The following DNAH3 variants were observed in gnomAD, a reference collection of about 807,000 sequenced individuals.
DNAH3 encodes the protein dynein axonemal heavy chain 3.
In DNAH3, 332 loss-of-function variants were observed where a neutral mutation model predicts 432.5. The ratio of observed to expected loss-of-function variants is 0.77; its 90% CI spans 0.70 to 0.84. The LOEUF is 0.84. DNAH3 is among the 40% of genes least tolerant of loss of function. The probability of loss-of-function intolerance (pLI) is 0.00; values close to 1 mark genes in which losing one functional copy is unlikely to be tolerated. For synonymous variants in DNAH3, 1,956 were observed against 1,900.2 expected (o/e 1.03, Z -0.76); for missense variants, 4,861 against 5,114.0 (o/e 0.95, Z 1.51).
rs537550300 is a variant in DNAH3 at position 21,003,284 on chromosome 16, C to A, written c.6023-77G>T. 2.5e-5 allele frequency: 23 copies of A among 913,554 alleles called. No individual in the cohort carries two copies. The South Asian group carries it at 3.4e-4, about 13-fold the overall frequency. The allele number at this position is 913,554 out of a possible 1,614,324, so 56.6% of individuals were successfully genotyped here. On this transcript the variant is annotated intron_variant, in intron 41 of 61. Coordinates refer to ENST00000261383, the Ensembl canonical transcript of DNAH3. The stretch of plus-strand genomic sequence containing the variant: ...CTCCCATATTTGAGGATTTTAAGTC[C>A]CTCAGTTATCAGCATATGAAAATGT...
chr16:20,955,126 C>A, intron 54 of DNAH3, 69 bp from the exon 55 acceptor site: 1 of 1,464,942 alleles, frequency 6.8e-7, no homozygotes, highest in South Asian at 1.5e-5. Flanking sequence ...ACAACAAAAA[C>A]AAAACAATAA....
intron 1 of DNAH3, among the ~76,000 whole-genome samples, chr16:21,149,336 A>G (rs925589178): frequency 6.6e-6 from 1 of 152,174 alleles, no homozygotes; most frequent in Non-Finnish European, 1.5e-5. Context: ...CTTAGTTATT[A>G]TCTACAAATC....
At chr16:21,157,041 G>A (rs1012270991) in intron 1 of DNAH3, among the ~76,000 whole-genome samples, 8 of 142,130 alleles carry the variant, frequency 5.6e-5, no homozygotes, top group African/African-American at 2.3e-4. Flanking sequence ...TTCCTGGGTG[G>A]GGAACCCAGC....
intron 40 of DNAH3, among the ~76,000 whole-genome samples, chr16:21,021,543 T>C (rs2088221182): frequency 6.6e-6 from 1 of 152,148 alleles, no homozygotes; most frequent in Non-Finnish European, 1.5e-5. Flanking sequence ...CTCCAAAGGC[T>C]TGCTTGTTCT....
intron 44 of DNAH3, 130 bp from the exon 45 acceptor site, chr16:20,988,195 G>A: frequency 9.7e-7 from 1 of 1,035,110 alleles, no homozygotes; most frequent in East Asian, 2.4e-5. Context: ...GTGCAATATG[G>A]CAACCTCTAG....
rs1010007286 is a variant in DNAH3, at chr16:21,049,850, C to T, written c.4347+60G>A. Reference sequence around the variant, plus strand: ...CATCTTAAAGTTGATGCCTACTTCCCACAGGAGGGGTGCAGAGAGGGCCTG... The same window carrying T: ...CATCTTAAAGTTGATGCCTACTTCCTACAGGAGGGGTGCAGAGAGGGCCTG... On this transcript the variant is annotated intron_variant, in intron 30 of 61. Transcript: ENST00000261383. The T allele has an allele frequency of 4.8e-6, 7 of 1,457,684 alleles. No individual in the cohort carries two copies. The African/African-American group carries it at 8.4e-5, about 17-fold the overall frequency. The allele number at this position is 1,457,684 out of a possible 1,614,324, so 90.3% of individuals were successfully genotyped here.
chr16:21,093,999 G>A (rs1006196287), intron 18 of DNAH3, among the ~76,000 whole-genome samples: 2 of 152,098 alleles, frequency 1.3e-5, no homozygotes, highest in African/African-American at 4.8e-5. Context: ...ACCAGGGTTA[G>A]GCTAAGAGTC....
intron 16 of DNAH3, among the ~76,000 whole-genome samples, chr16:21,099,657 G>T (rs916224039): frequency 6.6e-6 from 1 of 152,024 alleles, no homozygotes; most frequent in Non-Finnish European, 1.5e-5. Context: ...GCCTCGGGTA[G>T]ATAAAACAAG....
chr16:21,082,964 GTTAAATTTTTATTATTTT>G (rs138173438), intron 19 of DNAH3, among the ~76,000 whole-genome samples: 21,573 of 148,188 alleles, frequency 0.15, 1,805 homozygotes, highest in African/African-American at 0.2. Flanking sequence ...TTTTTTAACA[GTTAAATTTTTATTATTTT>G]TTAAATTTTT....
chr16:20,962,417 G>A lies in DNAH3; in HGVS notation c.10600+867C>T, dbSNP rs117297682. On this transcript the variant is annotated intron_variant, in intron 53 of 61. Transcript: ENST00000261383. ...TGAGGCTTCTTTAAACTCCCCAGGT[G>A]ATTCCAATGTGCAGCCAAGATTGAG... Among the ~76,000 whole-genome samples, 1,191 of 152,286 alleles carry A rather than the reference G, an allele frequency of 7.8e-3. 49 individuals are homozygous for A. In the East Asian group the frequency reaches 0.12, roughly 16 times the overall value.
At chr16:21,066,183 A>C (rs2090542627) in intron 24 of DNAH3, among the ~76,000 whole-genome samples, 1 of 151,488 alleles carries the variant, frequency 6.6e-6, no homozygotes, top group South Asian at 2.1e-4. Flanking sequence ...TTTTTGGTAA[A>C]CAGCAGGGAA....
chr16:20,968,073 G>A (rs2085143815), intron 52 of DNAH3, among the ~76,000 whole-genome samples: 1 of 152,120 alleles, frequency 6.6e-6, no homozygotes, highest in African/African-American at 2.4e-5. Context: ...TGAGGGATCA[G>A]GGATTTCTTT....
intron 14 of DNAH3, among the ~76,000 whole-genome samples, chr16:21,107,960 G>C (rs778907529): frequency 2.5e-4 from 38 of 151,920 alleles, no homozygotes; most frequent in Non-Finnish European, 4.9e-4. Context: ...CCTCCTCCCA[G>C]GTTCAAGCAA....
In DNAH3 at chr16:21,034,256, C is replaced by T. The variant is rs181897358; in HGVS notation, c.5086-171G>A. Among the ~76,000 whole-genome samples the T allele has an allele frequency of 2.0e-4, 31 of 152,158 alleles. No homozygotes were observed. In the South Asian group the frequency reaches 2.5e-3, roughly 12 times the overall value. ...GTCTATTGTTTACATATCTTTCAGA[C>T]GAAAAAATATATGTGTGTGTCTCAG... On this transcript the variant is annotated intron_variant, in intron 35 of 61. Coordinates refer to ENST00000261383, the Ensembl canonical transcript of DNAH3.
chr16:20,995,195 T>C (rs1356137117), intron 44 of DNAH3, among the ~76,000 whole-genome samples: 1 of 152,096 alleles, frequency 6.6e-6, no homozygotes, highest in East Asian at 1.9e-4. Flanking sequence ...ATCTGCCCGC[T>C]TTGGCATCCC....
intron 37 of DNAH3, 60 bp downstream of exon 37, chr16:21,030,985 A>G: frequency 6.4e-7 from 1 of 1,560,926 alleles, no homozygotes; most frequent in Non-Finnish European, 8.8e-7. Flanking sequence ...TCAATCACTT[A>G]CTTCAATAAA....
intron 14 of DNAH3, among the ~76,000 whole-genome samples, chr16:21,108,555 G>A (rs1224445714): frequency 6.6e-6 from 1 of 151,866 alleles, no homozygotes; most frequent in Non-Finnish European, 1.5e-5. Context: ...ACCAGCCTGG[G>A]CAAATGGCAA....
chr16:21,092,160 AAT>A (rs2091554302), intron 18 of DNAH3, among the ~76,000 whole-genome samples: 1 of 152,208 alleles, frequency 6.6e-6, no homozygotes, highest in East Asian at 1.9e-4. Flanking sequence ...TAGCCAACAC[AAT>A]ATTGAAGGGG....
intron 29 of DNAH3, 115 bp from the exon 30 acceptor site, chr16:21,050,133 G>A: frequency 1.3e-6 from 1 of 745,320 alleles, no homozygotes; most frequent in Non-Finnish European, 2.2e-6. Flanking sequence ...AGTGATTGCA[G>A]TTTTTGCCAT....
Sources: gnomAD v4.1 joint callset for allele counts (sites outside exome capture counted in the v4.1 genomes callset) on GRCh38, gnomAD v4.1.1 for gene constraint, MANE v1.5 for transcripts, NCBI Gene and HGNC (gene_info 2026-07-23, HGNC 2026-07-21) for gene names.